Variants in BTBD9 observed in about 807,000 individuals in gnomAD.
The protein encoded by BTBD9 is BTB domain containing 9, also known as BTB/POZ domain-containing protein 9.
In BTBD9, 49 loss-of-function variants were observed where a neutral mutation model predicts 64.3. The observed-to-expected ratio is 0.76, with a 90% CI of 0.61 to 0.97. The LOEUF (loss-of-function observed/expected upper bound fraction) is 0.97. Ranked by LOEUF, BTBD9 falls within the 50% of genes least tolerant of loss-of-function variation. The pLI is 0.00. For synonymous variants in BTBD9, 260 were observed against 274.7 expected, an observed-to-expected ratio of 0.95 and a Z score of 0.53; for missense variants, 598 against 762.1, an observed-to-expected ratio of 0.78 and a Z score of 2.53.
At chr6:38,587,573 G>C (rs1420469074) in intron 4 of BTBD9, 1 of 575,152 alleles carries the variant, frequency 1.7e-6, no homozygotes. Context: ...CAGTGTAGTA[G>C]GACACTGAAA....
intron 6 of BTBD9, among the ~76,000 whole-genome samples, chr6:38,503,070 G>A (rs1772286538): frequency 6.6e-6 from 1 of 152,134 alleles, no homozygotes; most frequent in African/African-American, 2.4e-5. Context: ...AGGGAAGTGA[G>A]TTTATGCCTA....
intron 6 of BTBD9, among the ~76,000 whole-genome samples, chr6:38,457,582 T>C (rs577800309): frequency 1.3e-5 from 2 of 152,010 alleles, no homozygotes; most frequent in East Asian, 1.9e-4. Flanking sequence ...GAATAACTGA[T>C]TGGAGGAGTG....
At chr6:38,551,059 C>T (rs1032373423) in intron 6 of BTBD9, among the ~76,000 whole-genome samples, 2 of 152,190 alleles carry the variant, frequency 1.3e-5, no homozygotes, top group African/African-American at 4.8e-5. Context: ...ACTCAGATGT[C>T]ACCTTTATAA....
At chr6:38,178,214 T>C (rs968470395) in intron 10 of BTBD9, among the ~76,000 whole-genome samples, 11 of 150,680 alleles carry the variant, frequency 7.3e-5, no homozygotes, top group African/African-American at 2.7e-4. Context: ...GCGAAGATTC[T>C]AAGTGGAAAA....
chr6:38,321,629 A>G lies in BTBD9; in HGVS notation c.1264+23355T>C, dbSNP rs570286977. Among the ~76,000 whole-genome samples the G allele has an allele frequency of 7.2e-5, 11 of 152,320 alleles. No individual in the cohort carries two copies. In the East Asian group the frequency reaches 2.1e-3, roughly 29 times the overall value. On this transcript the variant is annotated intron_variant, in intron 7 of 10. Coordinates refer to ENST00000481247, the MANE Select transcript of BTBD9 (RefSeq NM_001099272.2). ...TCATTTCACTATGGTTTTCCTTGCC[A>G]TAAGTTTAAATTTGTTTTTAACACT...
intron 7 of BTBD9, among the ~76,000 whole-genome samples, chr6:38,291,684 T>C (rs915895558): frequency 3.9e-5 from 6 of 152,212 alleles, no homozygotes; most frequent in African/African-American, 9.6e-5. Context: ...CCTAGTTTAC[T>C]GAGAGTTTTT....
chr6:38,224,492 T>C (rs145917793), intron 9 of BTBD9, among the ~76,000 whole-genome samples: 204 of 152,272 alleles, frequency 1.3e-3, no homozygotes, highest in Middle Eastern at 3.4e-3. Flanking sequence ...AAACCAATGT[T>C]GGATGAAAAA....
chr6:38,528,462 T>G (rs1054855236), intron 6 of BTBD9, among the ~76,000 whole-genome samples: 5 of 152,026 alleles, frequency 3.3e-5, no homozygotes, highest in African/African-American at 1.2e-4. Flanking sequence ...ACGGAAATGC[T>G]TGCAACACCC....
At chr6:38,374,290 T>TATATATATAC (rs1344883215) in intron 6 of BTBD9, among the ~76,000 whole-genome samples, 2 of 72,316 alleles carry the variant, frequency 2.8e-5, no homozygotes, top group Non-Finnish European at 4.5e-5. Context: ...AAAGTATATA[T>TATATATATAC]ATATATGTAT....
intron 6 of BTBD9, among the ~76,000 whole-genome samples, chr6:38,393,895 A>G (rs1490657324): frequency 6.6e-6 from 1 of 152,208 alleles, no homozygotes; most frequent in Non-Finnish European, 1.5e-5. Context: ...GGAGAAAGGG[A>G]TATTTAATAG....
chr6:38,603,521 C>A (rs11759282), intron 1 of BTBD9, among the ~76,000 whole-genome samples: 2 of 152,182 alleles, frequency 1.3e-5, no homozygotes, highest in African/African-American at 2.4e-5. Context: ...GGGGAAAAAA[C>A]CAAGTTGACC....
chr6:38,526,545 A>G (rs2127424791), intron 6 of BTBD9, among the ~76,000 whole-genome samples: 1 of 152,300 alleles, frequency 6.6e-6, no homozygotes, highest in South Asian at 2.1e-4. Flanking sequence ...AGCATGGTAG[A>G]TCCACTGACA....
At chr6:38,411,682 T>C (rs1382381396) in intron 6 of BTBD9, among the ~76,000 whole-genome samples, 1 of 152,056 alleles carries the variant, frequency 6.6e-6, no homozygotes, top group Non-Finnish European at 1.5e-5. Context: ...ACACCAGTAA[T>C]CCCAGCACTT....
intron 7 of BTBD9, among the ~76,000 whole-genome samples, chr6:38,324,316 C>T (rs762837956): frequency 4.6e-5 from 7 of 152,238 alleles, no homozygotes; most frequent in South Asian, 4.1e-4. Context: ...TTCTAAAATA[C>T]GCATTAGCCA....
intron 6 of BTBD9, among the ~76,000 whole-genome samples, chr6:38,367,622 A>G (rs1222537763): frequency 6.6e-6 from 1 of 152,076 alleles, no homozygotes; most frequent in East Asian, 1.9e-4. Context: ...GGAGAGTACA[A>G]TCCTTGGAAG....
intron 8 of BTBD9, among the ~76,000 whole-genome samples, chr6:38,275,797 G>A (rs2127547118): frequency 6.6e-6 from 1 of 152,156 alleles, no homozygotes; most frequent in East Asian, 1.9e-4. Context: ...ACCACAATGA[G>A]ATACCAACTC....
At chr6:38,403,540 C>T (rs781011504) in intron 6 of BTBD9, among the ~76,000 whole-genome samples, 3 of 152,180 alleles carry the variant, frequency 2.0e-5, no homozygotes, top group African/African-American at 2.4e-5. Context: ...GATATACCCA[C>T]AAGGATGGCT....
At chr6:38,215,266 T>C (rs555645006) in intron 9 of BTBD9, among the ~76,000 whole-genome samples, 5 of 152,340 alleles carry the variant, frequency 3.3e-5, no homozygotes, top group Admixed American at 1.3e-4. Context: ...TCCATGATAT[T>C]TTCTATCACT....
chr6:38,373,907 A>G (rs1765525622), intron 6 of BTBD9, among the ~76,000 whole-genome samples: 1 of 152,170 alleles, frequency 6.6e-6, no homozygotes, highest in African/African-American at 2.4e-5. Context: ...AAGGATATAC[A>G]GATATTAAGG....
Sources: allele counts gnomAD v4.1 joint callset (sites outside exome capture counted in the v4.1 genomes callset), GRCh38; gene constraint gnomAD v4.1.1; transcripts MANE v1.5; gene names NCBI Gene and HGNC (gene_info 2026-07-23, HGNC 2026-07-21).